Variants in SLC27A6 observed in about 807,000 individuals in gnomAD.
SLC27A6 encodes the protein solute carrier family 27 member 6, also known as long-chain fatty acid transport protein 6.
SLC27A6 carries 74 observed loss-of-function variants against 63.9 expected under a neutral mutation model. That is an observed-to-expected ratio of 1.16 (90% confidence interval 0.96 to 1.40). The LOEUF (loss-of-function observed/expected upper bound fraction) is 1.40. Ranked by LOEUF, SLC27A6 falls within the 40% of genes most tolerant of loss-of-function variation. The pLI is 0.00. For synonymous variants in SLC27A6, 287 were observed against 260.8 expected (o/e 1.10, Z -0.97); for missense variants, 794 against 732.9 (o/e 1.08, Z -0.96).
At chr5:129,031,896 G>A (rs1474587058) in intron 9 of SLC27A6, among the ~76,000 whole-genome samples, 1 of 151,926 alleles carries the variant, frequency 6.6e-6, no homozygotes, top group African/African-American at 2.4e-5. Context: ...TGACAGTGTT[G>A]GATCAGGGGA....
chr5:129,033,474 T>G lies in SLC27A6; in HGVS notation c.*192T>G. 3.3e-6 allele frequency: 1 copy of G among 303,276 alleles called. No individual in the cohort carries two copies. Among genetic ancestry groups the G allele is most frequent in the Non-Finnish European group, 6.0e-6 (1 of 165,908 alleles). The allele number at this position is 303,276 out of a possible 1,614,324, so 18.8% of individuals were successfully genotyped here. ...ATTGATATAAACAGTAGTTGATTAT[T>G]CTTTTTATCTATTTGGAGATTCAGT... On this transcript the variant is annotated 3_prime_UTR_variant, in exon 10 of 10. Transcript: ENST00000262462.
chr5:128,994,618 A>G (rs2150138672), intron 4 of SLC27A6, among the ~76,000 whole-genome samples: 1 of 152,324 alleles, frequency 6.6e-6, no homozygotes, highest in East Asian at 1.9e-4. Flanking sequence ...AAAGAATTAA[A>G]ATTGAATGTC....
At chr5:129,001,759 T>A (rs1751342359) in intron 4 of SLC27A6, among the ~76,000 whole-genome samples, 1 of 152,170 alleles carries the variant, frequency 6.6e-6, no homozygotes. Context: ...GCTTGAGAGG[T>A]TCACTTTTCT....
chr5:128,998,117 CAAA>C (rs34463699), intron 4 of SLC27A6, among the ~76,000 whole-genome samples: 75 of 89,362 alleles, frequency 8.4e-4, no homozygotes, highest in Middle Eastern at 6.2e-3. Context: ...CCCATCTCTA[CAAA>C]AAAAAAAAAA....
intron 5 of SLC27A6, among the ~76,000 whole-genome samples, chr5:129,022,316 T>C (rs1752102182): frequency 6.6e-6 from 1 of 152,194 alleles, no homozygotes; most frequent in South Asian, 2.1e-4. Flanking sequence ...CTTAGCACAG[T>C]GTCCAGCATA....
At chr5:128,979,308 C>A (rs1750501478) in intron 1 of SLC27A6, among the ~76,000 whole-genome samples, 1 of 151,818 alleles carries the variant, frequency 6.6e-6, no homozygotes, top group African/African-American at 2.4e-5. Context: ...TACTTCCCAA[C>A]CCTCAGTGGC....
intron 1 of SLC27A6, among the ~76,000 whole-genome samples, chr5:128,978,429 A>G (rs1462637786): frequency 6.6e-6 from 1 of 152,170 alleles, no homozygotes. Context: ...AACCGCTGAG[A>G]GTGCCTTTTA....
chr5:129,029,850 A>G (rs1752361952), intron 9 of SLC27A6, 143 bp downstream of exon 9: 3 of 656,410 alleles, frequency 4.6e-6, no homozygotes, highest in South Asian at 2.1e-5. Flanking sequence ...GATCGATGCC[A>G]TGTTTGAAGC....
intron 7 of SLC27A6, 80 bp downstream of exon 7, chr5:129,027,411 C>G: frequency 9.3e-7 from 1 of 1,075,060 alleles, no homozygotes; most frequent in Non-Finnish European, 1.4e-6. Flanking sequence ...ACCACATATG[C>G]TTTAGCTTTC....
intron 1 of SLC27A6, among the ~76,000 whole-genome samples, chr5:128,975,671 T>C (rs1439993871): frequency 6.6e-6 from 1 of 152,198 alleles, no homozygotes; most frequent in Non-Finnish European, 1.5e-5. Flanking sequence ...CATTACTATG[T>C]GTTAGCAGTA....
At chr5:128,984,770 A>G (rs1275687272) in intron 1 of SLC27A6, among the ~76,000 whole-genome samples, 1 of 152,236 alleles carries the variant, frequency 6.6e-6, no homozygotes, top group African/African-American at 2.4e-5. Context: ...ATAACTAGCT[A>G]CTGAGTTGTA....
In SLC27A6 at chr5:128,976,923, G is replaced by A. The variant is rs183438323; in HGVS notation, c.482-8210G>A. ...AATATGTGGTGTATTAAGAAAGGAT[G>A]GAGAATAAAATATATACCATATGCA... On this transcript the variant is annotated intron_variant, in intron 1 of 9. Coordinates refer to ENST00000262462, the MANE Select transcript of SLC27A6 (RefSeq NM_001017372.3). 3.7e-4 allele frequency among the ~76,000 whole-genome samples: 56 copies of A among 152,264 alleles called. 1 individual carries two copies. In the East Asian group the frequency reaches 0.01, roughly 28 times the overall value.
chr5:128,998,477 C>T (rs1322684996), intron 4 of SLC27A6, among the ~76,000 whole-genome samples: 1 of 151,436 alleles, frequency 6.6e-6, no homozygotes, highest in African/African-American at 2.4e-5. Context: ...TTGTAAAATT[C>T]CATATAAATA....
intron 4 of SLC27A6, among the ~76,000 whole-genome samples, chr5:128,998,249 A>C (rs1323947809): frequency 6.6e-6 from 1 of 152,034 alleles, no homozygotes; most frequent in African/African-American, 2.4e-5. Flanking sequence ...CTATGATTTC[A>C]CCACTGCCCT....
chr5:128,974,691 C>T (rs17766880), intron 1 of SLC27A6, among the ~76,000 whole-genome samples: 13,258 of 152,146 alleles, frequency 0.087, 906 homozygotes, highest in East Asian at 0.23. Context: ...GTGGTTCAGA[C>T]GGAGGTAAGC....
At chr5:128,998,891 C>T (rs1377492196) in intron 4 of SLC27A6, among the ~76,000 whole-genome samples, 1 of 152,178 alleles carries the variant, frequency 6.6e-6, no homozygotes, top group Non-Finnish European at 1.5e-5. Flanking sequence ...TCCATGATCA[C>T]ATCATTTTTA....
At chr5:128,979,265 T>A (rs1750499863) in intron 1 of SLC27A6, among the ~76,000 whole-genome samples, 1 of 151,818 alleles carries the variant, frequency 6.6e-6, no homozygotes, top group Non-Finnish European at 1.5e-5. Flanking sequence ...TAAACAGCTT[T>A]CTTGTCCTCT....
chr5:129,021,826 A>G (rs1457420932), intron 5 of SLC27A6, among the ~76,000 whole-genome samples: 2 of 152,318 alleles, frequency 1.3e-5, no homozygotes, highest in Middle Eastern at 3.4e-3. Flanking sequence ...AAATTATTCA[A>G]TTTCTGACTA....
At chr5:128,983,643 A>G (rs182644814) in intron 1 of SLC27A6, among the ~76,000 whole-genome samples, 5 of 152,102 alleles carry the variant, frequency 3.3e-5, no homozygotes, top group African/African-American at 2.4e-5. Context: ...CTTTTTTGCC[A>G]TTTATTTCTT....
Sources: gnomAD v4.1 joint callset for allele counts (sites outside exome capture counted in the v4.1 genomes callset) on GRCh38, gnomAD v4.1.1 for gene constraint, MANE v1.5 for transcripts, NCBI Gene and HGNC (gene_info 2026-07-23, HGNC 2026-07-21) for gene names.